The following ATP6V0E1 variants were observed in gnomAD, a reference collection of about 807,000 sequenced individuals.
The protein encoded by ATP6V0E1 is V-type proton ATPase subunit e 1.
ATP6V0E1 carries 4 observed loss-of-function variants against 11.6 expected under a neutral mutation model. That is an observed-to-expected ratio of 0.35 (90% confidence interval 0.17 to 0.79). ATP6V0E1 has a LOEUF of 0.79. ATP6V0E1 is among the 30% of genes least tolerant of loss of function. ATP6V0E1 has a pLI of 0.54. For synonymous variants in ATP6V0E1, 36 were observed against 34.8 expected (o/e 1.04, Z -0.13); for missense variants, 105 against 100.0 (o/e 1.05, Z -0.21).
intron 2 of ATP6V0E1, among the ~76,000 whole-genome samples, chr5:173,008,255 A>G (rs1756259139): frequency 6.6e-6 from 1 of 150,960 alleles, no homozygotes; most frequent in African/African-American, 2.4e-5. Context: ...CACACTCCAA[A>G]TGTCTTTGTA....
chr5:173,006,612 TCAAACAAA>T (rs369237135), intron 2 of ATP6V0E1, among the ~76,000 whole-genome samples: 113 of 152,110 alleles, frequency 7.4e-4, no homozygotes, highest in African/African-American at 2.6e-3. Context: ...AGACTCCATC[TCAAACAAA>T]CAAACAAACA....
intron 3 of ATP6V0E1, among the ~76,000 whole-genome samples, chr5:173,029,205 G>A (rs1756610207): frequency 6.6e-6 from 1 of 152,102 alleles, no homozygotes; most frequent in Admixed American, 6.6e-5. Context: ...GATCTGTTGG[G>A]GTGTTGAATT....
Position 172,983,856 on chromosome 5 carries a change from C to T in ATP6V0E1, c.-5C>T, listed in dbSNP as rs1226847128. The T allele has an allele frequency of 1.5e-5, 25 of 1,613,486 alleles. No homozygotes were observed. Among genetic ancestry groups the T allele is most frequent in the Admixed American group, 1.7e-5 (1 of 60,024 alleles). On this transcript the variant is annotated 5_prime_UTR_variant, in exon 1 of 4. Coordinates refer to ENST00000519374, the MANE Select transcript of ATP6V0E1 (RefSeq NM_003945.4). ...GGGGTAGGGGTTGGCGCTCAGGCGG[C>T]GACCATGGCGTATCACGGCCTCACT...
chr5:172,997,802 G>A (rs529164440), intron 2 of ATP6V0E1, among the ~76,000 whole-genome samples: 82 of 138,332 alleles, frequency 5.9e-4, no homozygotes, highest in African/African-American at 2.1e-3. Flanking sequence ...GACAGAGCGA[G>A]ACTCCGTCTC....
intron 2 of ATP6V0E1, among the ~76,000 whole-genome samples, chr5:173,019,795 C>T (rs184412027): frequency 6.6e-6 from 1 of 152,080 alleles, no homozygotes; most frequent in Non-Finnish European, 1.5e-5. Context: ...TCAAACCTTG[C>T]CTGTACCAGT....
chr5:173,008,217 G>A (rs1237574331), intron 2 of ATP6V0E1, among the ~76,000 whole-genome samples: 4 of 152,140 alleles, frequency 2.6e-5, no homozygotes, highest in Admixed American at 6.5e-5. Context: ...GTTCAGAGCT[G>A]AGAGGCAATA....
intron 2 of ATP6V0E1, among the ~76,000 whole-genome samples, chr5:173,003,404 T>G (rs956027271): frequency 2.0e-5 from 3 of 152,178 alleles, no homozygotes; most frequent in Non-Finnish European, 4.4e-5. Flanking sequence ...CCAGATCCAG[T>G]GTCTGCTGAC....
intron 3 of ATP6V0E1, among the ~76,000 whole-genome samples, chr5:173,028,733 G>A (rs1006838494): frequency 7.9e-5 from 12 of 152,208 alleles, no homozygotes; most frequent in East Asian, 7.7e-4. Flanking sequence ...GCAAATAAAC[G>A]TGTCCAGTAC....
intron 3 of ATP6V0E1, among the ~76,000 whole-genome samples, chr5:173,026,770 C>G (rs2113613786): frequency 6.6e-6 from 1 of 152,140 alleles, no homozygotes; most frequent in East Asian, 1.9e-4. Flanking sequence ...TGCTGATGAT[C>G]TTTAATGTAG....
At chr5:172,985,801 T>C (rs1755887885) in intron 1 of ATP6V0E1, among the ~76,000 whole-genome samples, 1 of 152,210 alleles carries the variant, frequency 6.6e-6, no homozygotes, top group African/African-American at 2.4e-5. Flanking sequence ...GCTAGTGATA[T>C]ATAGACATGT....
intron 2 of ATP6V0E1, among the ~76,000 whole-genome samples, chr5:172,998,278 T>C (rs1481367266): frequency 6.9e-6 from 1 of 144,742 alleles, no homozygotes; most frequent in Non-Finnish European, 1.5e-5. Context: ...ACAGGTTGCA[T>C]GTGGAGGGAA....
chr5:172,994,692 T>C, intron 1 of ATP6V0E1, 83 bp from the exon 2 acceptor site: 2 of 1,145,362 alleles, frequency 1.7e-6, no homozygotes, highest in Non-Finnish European at 2.5e-6. Context: ...TTTGATAATC[T>C]GGAAAGGGGA....
chr5:172,998,512 G>C (rs1289280871), intron 2 of ATP6V0E1, among the ~76,000 whole-genome samples: 1 of 151,774 alleles, frequency 6.6e-6, no homozygotes, highest in Non-Finnish European at 1.5e-5. Flanking sequence ...TTGGGAGGCT[G>C]AGGCAGGAGA....
At chr5:172,986,350 C>T (rs1755897246) in intron 1 of ATP6V0E1, among the ~76,000 whole-genome samples, 1 of 152,180 alleles carries the variant, frequency 6.6e-6, no homozygotes. Context: ...AAAACACAAG[C>T]AAGGCTGGGC....
At chr5:173,021,045 T>C in intron 3 of ATP6V0E1, 1 of 407,870 alleles carries the variant, frequency 2.5e-6, no homozygotes, top group Non-Finnish European at 4.9e-6. Flanking sequence ...GGCTCGCAGT[T>C]CTGCAGGCTG....
At chr5:173,002,059 C>T (rs1756163557) in intron 2 of ATP6V0E1, among the ~76,000 whole-genome samples, 1 of 152,126 alleles carries the variant, frequency 6.6e-6, no homozygotes, top group African/African-American at 2.4e-5. Context: ...ATTTGCTTAC[C>T]ACCCACCTTC....
At chr5:173,004,739 G>T (rs938846389) in intron 2 of ATP6V0E1, among the ~76,000 whole-genome samples, 1 of 152,164 alleles carries the variant, frequency 6.6e-6, no homozygotes, top group Non-Finnish European at 1.5e-5. Flanking sequence ...GGACCTGAAG[G>T]CTTTCCACAA....
At chr5:172,988,152 T>C (rs1755925500) in intron 1 of ATP6V0E1, among the ~76,000 whole-genome samples, 1 of 152,216 alleles carries the variant, frequency 6.6e-6, no homozygotes, top group Non-Finnish European at 1.5e-5. Flanking sequence ...CATCAAGATG[T>C]CATTAGGTGA....
intron 2 of ATP6V0E1, among the ~76,000 whole-genome samples, chr5:173,014,735 G>A (rs1237786812): frequency 2.6e-5 from 4 of 151,090 alleles, no homozygotes; most frequent in Non-Finnish European, 5.9e-5. Flanking sequence ...GAAAGTTGTG[G>A]GAATAAAGAG....
Sources: gnomAD v4.1 joint callset for allele counts (sites outside exome capture counted in the v4.1 genomes callset) on GRCh38, gnomAD v4.1.1 for gene constraint, MANE v1.5 for transcripts, NCBI Gene and HGNC (gene_info 2026-07-23, HGNC 2026-07-21) for gene names.